The following TTC12 variants were observed in gnomAD, a reference collection of about 807,000 sequenced individuals.
TTC12 encodes the protein tetratricopeptide repeat domain 12.
Under a neutral mutation model 90.1 loss-of-function variants are expected in TTC12, and 70 were observed. That is an observed-to-expected ratio of 0.78 (90% CI 0.64 to 0.95). The LOEUF is 0.95. TTC12 is among the 40% of genes least tolerant of loss of function. The pLI is 0.00. For missense variants in TTC12, 819 were observed against 846.1 expected, an observed-to-expected ratio of 0.97 and a Z score of 0.40; for synonymous variants, 296 against 311.5, an observed-to-expected ratio of 0.95 and a Z score of 0.53.
intron 13 of TTC12, among the ~76,000 whole-genome samples, chr11:113,347,714 A>T (rs1475944842): frequency 3.3e-5 from 5 of 152,108 alleles, no homozygotes; most frequent in African/African-American, 1.2e-4. Context: ...TACCTCCATC[A>T]TTCCTTTGAT....
intron 1 of TTC12, 191 bp from the exon 2 acceptor site, chr11:113,316,052 A>C: frequency 2.6e-6 from 1 of 385,722 alleles, no homozygotes; most frequent in Middle Eastern, 6.5e-4. Context: ...GCATTGCCGC[A>C]CGTAAATGAG....
At chr11:113,337,006 T>C (rs1248356062) in intron 8 of TTC12, among the ~76,000 whole-genome samples, 2 of 152,260 alleles carry the variant, frequency 1.3e-5, no homozygotes, top group African/African-American at 4.8e-5. Flanking sequence ...ATTTATAAGA[T>C]ATGTCTTTAA....
chr11:113,367,448 A>G (rs1217391818), downstream of TTC12, among the ~76,000 whole-genome samples: 1 of 152,226 alleles, frequency 6.6e-6, no homozygotes, highest in African/African-American at 2.4e-5. Flanking sequence ...CTACGCAAAT[A>G]TAAGAGATTA....
chr11:113,320,851 T>A (rs1947272570), intron 2 of TTC12, among the ~76,000 whole-genome samples: 1 of 152,150 alleles, frequency 6.6e-6, no homozygotes, highest in African/African-American at 2.4e-5. Context: ...CTGTCGCATG[T>A]CCTGCGAGGG....
In TTC12 at chr11:113,360,409, G is replaced by GA. The variant is rs545188011; in HGVS notation, c.1614+412dup. 2.1e-3 allele frequency among the ~76,000 whole-genome samples: 300 copies of GA among 139,608 alleles called. 1 individual carries two copies. Among genetic ancestry groups the GA allele is most frequent in the Non-Finnish European group, 2.0e-3 (126 of 63,710 alleles). The allele number at this position is 139,608 out of a possible 152,430, so 91.6% of individuals were successfully genotyped here. A position where few individuals can be genotyped will look rare whatever the true frequency, so the allele number is the denominator to read the frequency against. ...TATTTAGAATCCCTTTTTTCCATAA[G>GA]AAAAAAAAAAAGCCAAGCCCATATT... On this transcript the variant is annotated intron_variant, in intron 18 of 21. Coordinates refer to ENST00000529221, the MANE Select transcript of TTC12 (RefSeq NM_017868.4).
downstream of TTC12, chr11:113,368,191 C>T (rs1012335550): frequency 2.9e-5 from 43 of 1,461,928 alleles, no homozygotes; most frequent in Admixed American, 8.5e-4. Flanking sequence ...TTCCAGAGTG[C>T]CTGCCGAGAG....
At position 113,325,641 on chromosome 11, in the gene TTC12, C is replaced by T. The variant is rs781951481; in HGVS notation, c.440C>T (p.Ala147Val). 6.2e-7 allele frequency: 1 copy of T among 1,613,798 alleles called. No individual in the cohort carries two copies. Among genetic ancestry groups the T allele is most frequent in the Admixed American group, 1.7e-5 (1 of 60,012 alleles). The change falls in exon 6 of 22, where the codon GCC becomes GTC. Residue 147 changes from alanine (A) to valine (V), a missense_variant. Physicochemically the swap from Ala to Val is moderately conservative, Grantham distance 64 (BLOSUM62 0). Transcript: ENST00000529221. ...ATGAAAGTGCTGTACACCAACCGAG[C>T]CCAGGTCAGTGAGGCAGGGATGTAT... ...KDMKVLYTNR[A>V]QAYMKLEDYE...
intron 10 of TTC12, 24 bp downstream of exon 10, chr11:113,339,498 T>C: frequency 6.3e-7 from 1 of 1,589,168 alleles, no homozygotes; most frequent in Non-Finnish European, 8.6e-7. Context: ...GTGTGTGATC[T>C]CATGAGTGCT....
rs1947478473 is a variant in TTC12, at chr11:113,323,476, T to C, written c.222+25T>C. The C allele has an allele frequency of 2.0e-6, 3 of 1,526,024 alleles. No homozygotes were observed. In the East Asian group the frequency reaches 7.0e-5, roughly 36 times the overall value. The allele number at this position is 1,526,024 out of a possible 1,614,324, so 94.5% of individuals were successfully genotyped here. On this transcript the variant is annotated intron_variant, in intron 3 of 21. Coordinates refer to ENST00000529221, the MANE Select transcript of TTC12 (RefSeq NM_017868.4). ...GGTTTCTTTTTCTATTGAGAAGTTA[T>C]ATAAGTACTTACAGTGAGAAGACCT...
Position 113,359,414 on chromosome 11 carries a change from C to G in TTC12, c.1498C>G (p.Leu500Val). ...GTTCAGAGAGGTTATCTACACACTC[C>G]TGGGACTCATGATGAACCTGTGTCT... Reference protein sequence around the residue: ...DLFREVIYTLLGLMMNLCLQA... With the variant: ...DLFREVIYTLVGLMMNLCLQA... The change falls in exon 17 of 22, where the codon CTG becomes GTG. Residue 500 changes from leucine (L) to valine (V), a missense_variant. Coordinates refer to ENST00000529221, the MANE Select transcript of TTC12 (RefSeq NM_017868.4). The G allele has an allele frequency of 6.2e-7, 1 of 1,613,782 alleles. No individual in the cohort carries two copies. Among genetic ancestry groups the G allele is most frequent in the African/African-American group, 1.3e-5 (1 of 75,038 alleles).
chr11:113,332,375 G>A (rs782598329), intron 7 of TTC12, among the ~76,000 whole-genome samples: 38 of 152,194 alleles, frequency 2.5e-4, no homozygotes, highest in African/African-American at 4.8e-4. Flanking sequence ...TGCACTTCAC[G>A]GTGACACACG....
At chr11:113,365,295 T>C (rs1950149426) in intron 21 of TTC12, among the ~76,000 whole-genome samples, 2 of 152,174 alleles carry the variant, frequency 1.3e-5, no homozygotes, top group South Asian at 2.1e-4. Context: ...GACAGGGACG[T>C]GCTGCTCCCA....
intron 8 of TTC12, among the ~76,000 whole-genome samples, chr11:113,338,386 G>A (rs1209505811): frequency 6.6e-6 from 1 of 152,024 alleles, no homozygotes; most frequent in African/African-American, 2.4e-5. Context: ...ATTGCCTCTA[G>A]CTTCATTTAT....
At position 113,359,461 on chromosome 11, in the gene TTC12, G is replaced by A. The variant is rs782377252; in HGVS notation, c.1545G>A (p.Glu515=). ...GTCTTCAGGCTCCCTTTGTCTCTGA[G>A]GTATGGCATTCTTGTCTCCCTGCCT... ...NLCLQAPFVS[E]VWAVEVSRRC... The change falls in exon 17 of 22, where the codon GAG becomes GAA. Residue 515 remains glutamate, a splice_region_variant and synonymous_variant. Coordinates refer to ENST00000529221, the MANE Select transcript of TTC12 (RefSeq NM_017868.4). The A allele has an allele frequency of 5.0e-6, 8 of 1,608,288 alleles. No homozygotes were observed. The highest frequency in any genetic ancestry group is 6.8e-6 in the Non-Finnish European group (8 of 1,174,860).
At chr11:113,345,249 A>G (rs1456261969) in intron 13 of TTC12, among the ~76,000 whole-genome samples, 2 of 152,240 alleles carry the variant, frequency 1.3e-5, no homozygotes, top group Non-Finnish European at 2.9e-5. Context: ...CACAATCTAA[A>G]AACAGGAGAT....
At chr11:113,364,532 G>A (rs1248332220) in intron 20 of TTC12, 4 of 387,064 alleles carry the variant, frequency 1.0e-5, no homozygotes, top group South Asian at 7.5e-5. Context: ...CGCAGTGAGA[G>A]GTTAAGAATA....
In TTC12 at chr11:113,344,345, C is replaced by T. The variant is rs1555147267; in HGVS notation, c.1059C>T (p.Val353=). Residue 353 remains valine (V), a synonymous_variant, in exon 13 of 22, where the codon GTC becomes GTT. Coordinates refer to ENST00000529221, the MANE Select transcript of TTC12 (RefSeq NM_017868.4). ...RLLAALLSSK[V]LAIRQQSFAL... ...TGGCCGCCCTCTTGTCCTCCAAGGTCCTGGCCATCCGGCAGCAGAGCTTTG... is the reference window on the plus strand; with the variant it reads ...TGGCCGCCCTCTTGTCCTCCAAGGTTCTGGCCATCCGGCAGCAGAGCTTTG... The T allele has an allele frequency of 1.9e-6, 3 of 1,614,106 alleles. No homozygotes were observed. The highest frequency in any genetic ancestry group is 8.5e-7 in the Non-Finnish European group (1 of 1,180,040).
At chr11:113,339,250 A>G in intron 9 of TTC12, 36 bp from the exon 10 acceptor site, 1 of 1,551,816 alleles carries the variant, frequency 6.4e-7, no homozygotes, top group Non-Finnish European at 8.7e-7. Flanking sequence ...GTTGATTGTT[A>G]GGGTTTTGTT....
At chr11:113,331,602 T>G (rs1948068870) in intron 7 of TTC12, among the ~76,000 whole-genome samples, 1 of 152,228 alleles carries the variant, frequency 6.6e-6, no homozygotes, top group African/African-American at 2.4e-5. Flanking sequence ...TGTCATTCCC[T>G]TCTATGGAAG....
Sources: gnomAD v4.1 joint callset for allele counts (sites outside exome capture counted in the v4.1 genomes callset) on GRCh38, gnomAD v4.1.1 for gene constraint, MANE v1.5 for transcripts, NCBI Gene and HGNC (gene_info 2026-07-23, HGNC 2026-07-21) for gene names.